The following NHSL1 variants were observed in gnomAD, a reference collection of about 807,000 sequenced individuals.
The protein encoded by NHSL1 is NHS-like protein 1.
NHSL1 carries 48 observed loss-of-function variants against 95.0 expected under a neutral mutation model. That is an observed-to-expected ratio of 0.51 (90% confidence interval 0.40 to 0.64). The LOEUF (loss-of-function observed/expected upper bound fraction) is 0.64, where lower values mean the gene tolerates loss of function less well. Ranked by LOEUF, NHSL1 falls within the 30% of genes least tolerant of loss-of-function variation. The pLI, the probability that NHSL1 is intolerant of heterozygous loss-of-function variation, is 0.00. For synonymous variants in NHSL1, 783 were observed against 833.9 expected (o/e 0.94, Z 1.05); for missense variants, 1,971 against 2,077.7 (o/e 0.95, Z 1.00).
At chr6:138,576,193 T>C (rs1180260785), upstream of NHSL1, among the ~76,000 whole-genome samples, 3 of 152,066 alleles carry the variant, frequency 2.0e-5, no homozygotes, top group South Asian at 2.1e-4. Context: ...GGTTTTGCCA[T>C]GTTGGCCAGT....
At position 138,538,652 on chromosome 6, in the gene NHSL1, C is replaced by T. The variant is rs566804279; in HGVS notation, c.16+6971G>A. On this transcript the variant is annotated intron_variant, in intron 1 of 4. Coordinates refer to the NHSL1 transcript ENST00000342260. ...AGTTCCAGCAACAATGAACCTTGCA[C>T]AGTTCACTCAGTGAAACAAAATAAT... 7.2e-5 allele frequency among the ~76,000 whole-genome samples: 11 copies of T among 152,308 alleles called. No individual in the cohort carries two copies. The South Asian group carries it at 1.0e-3, about 14-fold the overall frequency.
intron 1 of NHSL1, among the ~76,000 whole-genome samples, chr6:138,642,292 C>T (rs1185437763): frequency 6.6e-6 from 1 of 152,124 alleles, no homozygotes; most frequent in Non-Finnish European, 1.5e-5. Context: ...TGTATACATT[C>T]TCTAATTAAT....
chr6:138,584,232 CTTGT>C (rs1020777492), intron 1 of NHSL1, among the ~76,000 whole-genome samples: 1 of 152,160 alleles, frequency 6.6e-6, no homozygotes, highest in African/African-American at 2.4e-5. Context: ...TTCCTACAAC[CTTGT>C]TTGTGTAATT....
At chr6:138,497,308 A>G (rs1780411672) in intron 1 of NHSL1, among the ~76,000 whole-genome samples, 2 of 152,212 alleles carry the variant, frequency 1.3e-5, no homozygotes, top group African/African-American at 4.8e-5. Flanking sequence ...TAACCCAGGC[A>G]TAAGAGAGAC....
intron 1 of NHSL1, among the ~76,000 whole-genome samples, chr6:138,581,606 C>T (rs1411395451): frequency 6.8e-6 from 1 of 147,126 alleles, no homozygotes; most frequent in Non-Finnish European, 1.5e-5. Flanking sequence ...GCAGGAGAAT[C>T]GCTTGAACAC....
chr6:138,430,641 T>C lies in NHSL1; in HGVS notation c.3704A>G (p.Glu1235Gly), dbSNP rs1206451578. Residue 1235 changes from glutamate (E) to glycine (G), a missense_variant, in exon 6 of 8, where the codon GAG becomes GGG. Glu to Gly is a moderately conservative substitution (Grantham distance 98, BLOSUM62 -2). This residue lies in a region of NHSL1 where 1,602 missense variants were observed against 1,654.5 expected (regional missense o/e 0.97). Transcript: ENST00000343505. This position sits in a 1 kb window ranked among gnomAD's most constrained non-coding sequence, Gnocchi z 4.7. ...RAVPSPTTGE[E>G]GSVHSREAKE... The stretch of plus-strand genomic sequence containing the variant: ...TGCCTCCCTGCTGTGCACAGAGCCC[T>C]CCTCTCCCGTCGTGGGGCTGGGCAC... The C allele has an allele frequency of 6.4e-7, 1 of 1,551,550 alleles. No individual in the cohort carries two copies. Among genetic ancestry groups the C allele is most frequent in the Non-Finnish European group, 8.7e-7 (1 of 1,146,980 alleles).
At chr6:138,590,961 C>G (rs991652598) in intron 1 of NHSL1, among the ~76,000 whole-genome samples, 7 of 152,186 alleles carry the variant, frequency 4.6e-5, no homozygotes, top group African/African-American at 1.7e-4. Flanking sequence ...ATATTTGAAT[C>G]AGGCAGGGCT....
At chr6:138,585,224 G>A (rs972395692) in intron 1 of NHSL1, among the ~76,000 whole-genome samples, 7 of 152,186 alleles carry the variant, frequency 4.6e-5, no homozygotes, top group East Asian at 1.9e-4. Flanking sequence ...TACAGGGAGC[G>A]AGAGGTGAGC....
At chr6:138,635,910 T>C (rs1486469737) in intron 1 of NHSL1, among the ~76,000 whole-genome samples, 1 of 142,378 alleles carries the variant, frequency 7.0e-6, no homozygotes, top group Admixed American at 7.3e-5. Context: ...GATCAGGAGC[T>C]CGAGACTAGC....
chr6:138,657,674 G>C (rs1024353959), intron 1 of NHSL1, among the ~76,000 whole-genome samples: 9 of 151,682 alleles, frequency 5.9e-5, no homozygotes, highest in African/African-American at 2.2e-4. Context: ...AATTAGCCGG[G>C]CTTGGTGGCG....
chr6:138,565,086 C>G (rs1783559703), intron 1 of NHSL1, among the ~76,000 whole-genome samples: 1 of 152,016 alleles, frequency 6.6e-6, no homozygotes. Flanking sequence ...GAAAGGTGAT[C>G]CAGTTGTTTT....
intron 1 of NHSL1, among the ~76,000 whole-genome samples, chr6:138,583,641 C>A (rs958691900): frequency 6.6e-6 from 1 of 152,184 alleles, no homozygotes; most frequent in Non-Finnish European, 1.5e-5. Flanking sequence ...AAGCACTAAA[C>A]TGATGTTTGT....
chr6:138,552,563 T>C (rs954951025), intron 1 of NHSL1, among the ~76,000 whole-genome samples: 1 of 152,202 alleles, frequency 6.6e-6, no homozygotes, highest in African/African-American at 2.4e-5. Context: ...TCATGAAATT[T>C]GTGCCTTCAC....
chr6:138,474,134 T>C lies in NHSL1; in HGVS notation c.212-701A>G, dbSNP rs548712839. On this transcript the variant is annotated intron_variant, in intron 2 of 7. Coordinates refer to ENST00000343505, the MANE Select transcript of NHSL1 (RefSeq NM_001144060.2). ...AGGATCCCCTTCTAGGGGAAAGCAC[T>C]GTGCTGGCGGCTCTCATGGGTGGGG... 5.9e-5 allele frequency among the ~76,000 whole-genome samples: 9 copies of C among 152,282 alleles called. No individual in the cohort carries two copies. In the South Asian group the frequency reaches 1.7e-3, roughly 28 times the overall value.
upstream of NHSL1, among the ~76,000 whole-genome samples, chr6:138,547,461 A>T (rs1337899486): frequency 2.6e-5 from 4 of 152,098 alleles, no homozygotes; most frequent in Non-Finnish European, 5.9e-5. Flanking sequence ...GCTCACTGCA[A>T]GCTCCGTCTC....
rs562177649 is a variant in NHSL1 at position 138,431,566 on chromosome 6, G to T, written c.2779C>A (p.Pro927Thr). Reference sequence around the variant, plus strand: ...ACAGGAGGAGGAGGAGGAGCCGGGGGAGAGCCCACGGCTGGATCCAGCTTC... The same window carrying T: ...ACAGGAGGAGGAGGAGGAGCCGGGGTAGAGCCCACGGCTGGATCCAGCTTC... ...MKKLDPAVGS[P>T]PAPPPPPVPS... The change falls in exon 6 of 8, where the codon CCC becomes ACC. Residue 927 changes from proline (P) to threonine (T), a missense_variant. By Grantham distance (38) the Pro-to-Thr change is conservative. Transcript: ENST00000343505. The surrounding 1 kb of genome is among the most constrained non-coding windows in gnomAD (Gnocchi z 4.0). The T allele has an allele frequency of 6.4e-7, 1 of 1,551,446 alleles. No homozygotes were observed.
chr6:138,582,143 C>G (rs912251901), intron 1 of NHSL1, among the ~76,000 whole-genome samples: 3 of 152,004 alleles, frequency 2.0e-5, no homozygotes, highest in Non-Finnish European at 4.4e-5. Context: ...GTGATTCGCC[C>G]GCCTCAGCCT....
At chr6:138,655,003 T>C (rs968089142) in intron 1 of NHSL1, among the ~76,000 whole-genome samples, 2 of 152,202 alleles carry the variant, frequency 1.3e-5, no homozygotes, top group Non-Finnish European at 2.9e-5. Context: ...GTGGATAATT[T>C]GATTAGGTTA....
intron 7 of NHSL1, among the ~76,000 whole-genome samples, chr6:138,426,162 C>G (rs1268802011): frequency 6.6e-6 from 1 of 152,198 alleles, no homozygotes; most frequent in Non-Finnish European, 1.5e-5. Context: ...AAACTCAACA[C>G]AGTTAATAGA....
Sources: gnomAD v4.1 joint callset for allele counts (sites outside exome capture counted in the v4.1 genomes callset) on GRCh38, gnomAD v4.1.1 for gene constraint, gnomAD v4.1.1 regional missense constraint, Gnocchi (gnomAD v3.1) non-coding constraint, MANE v1.5 for transcripts, NCBI Gene and HGNC (gene_info 2026-07-23, HGNC 2026-07-21) for gene names.